SLC38A10: variants seen among roughly 807,000 people sequenced by gnomAD.
The protein encoded by SLC38A10 is solute carrier family 38 member 10.
SLC38A10 carries 53 observed loss-of-function variants against 81.0 expected under a neutral mutation model. That is an observed-to-expected ratio of 0.65 (90% CI 0.53 to 0.82). The LOEUF is 0.82. SLC38A10 is among the 40% of genes least tolerant of loss of function. The pLI is 0.00. For synonymous variants in SLC38A10, 665 were observed against 655.3 expected (o/e 1.01, Z -0.23); for missense variants, 1,471 against 1,545.0 (o/e 0.95, Z 0.80).
chr17:81,292,432 TATATAA>T (rs949820811), intron 1 of SLC38A10, among the ~76,000 whole-genome samples: 3 of 151,768 alleles, frequency 2.0e-5, no homozygotes, highest in African/African-American at 4.9e-5. Context: ...GCTATGTATA[TATATAA>T]ATATATCAAA....
In SLC38A10 at chr17:81,281,137, C is replaced by A. The variant is rs1031344551; in HGVS notation, c.502-404G>T. On this transcript the variant is annotated intron_variant, in intron 5 of 15. Coordinates refer to ENST00000374759, the MANE Select transcript of SLC38A10 (RefSeq NM_001037984.3). This position sits in a 1 kb window ranked among gnomAD's most constrained non-coding sequence, Gnocchi z 5.3. ...TTAGACATGGACATTTTCCAAAAGA[C>A]TGGCCCACCAGGACGCGGCTGTCTC... Among the ~76,000 whole-genome samples the A allele has an allele frequency of 5.9e-5, 9 of 152,246 alleles. No homozygotes were observed. Among genetic ancestry groups the A allele is most frequent in the African/African-American group, 2.2e-4 (9 of 41,466 alleles).
In SLC38A10 at chr17:81,282,205, G is replaced by A. The variant is rs752981972; in HGVS notation, c.485C>T (p.Thr162Ile). The change falls in exon 5 of 16, where the codon ACC (threonine) becomes ATC (isoleucine). Residue 162 changes from threonine to isoleucine, a missense_variant. Physicochemically the swap from Thr to Ile is moderately conservative, Grantham distance 89. Transcript: ENST00000374759. ...SFSAMALLFY[T>I]VFMFVIVLSS... ...CCGACTCACCACGAACATGAACACG[G>A]TGTAGAAGAGGAGGGCCATGGCGCT... The A allele has an allele frequency of 1.9e-6, 3 of 1,613,612 alleles. No individual in the cohort carries two copies. The highest frequency in any genetic ancestry group is 2.5e-6 in the Non-Finnish European group (3 of 1,180,016).
chr17:81,279,128 G>A (rs903487762), intron 6 of SLC38A10, among the ~76,000 whole-genome samples: 1 of 152,204 alleles, frequency 6.6e-6, no homozygotes, highest in African/African-American at 2.4e-5. Context: ...TCCACATGCA[G>A]CTCTTGGGTG....
In SLC38A10 at chr17:81,259,656, T is replaced by C. The variant is rs1014779700; in HGVS notation, c.1288+582A>G. Among the ~76,000 whole-genome samples, 8 of 152,208 alleles carry C rather than the reference T, an allele frequency of 5.3e-5. No homozygotes were observed. The South Asian group carries it at 1.7e-3, about 32-fold the overall frequency. On this transcript the variant is annotated intron_variant, in intron 11 of 15. Transcript: ENST00000374759. ...ACACGCATCTCTGCACCCCGGGCTG[T>C]GCCACAGACGGAGGCGTCAGGGTTA...
rs1486482315 is a variant in SLC38A10 at position 81,289,988 on chromosome 17, C to T, written c.100-180G>A. On this transcript the variant is annotated intron_variant, in intron 1 of 15. Coordinates refer to ENST00000374759, the MANE Select transcript of SLC38A10 (RefSeq NM_001037984.3). This position sits in a 1 kb window ranked among gnomAD's most constrained non-coding sequence, Gnocchi z 5.9. ...CCATTTCCTTGCTGTGGTGGCCGCG[C>T]GCCTTGTCCAGGGATGAAGCTGTAT... Among the ~76,000 whole-genome samples the T allele has an allele frequency of 1.3e-5, 2 of 152,216 alleles. No individual in the cohort carries two copies. Among genetic ancestry groups the T allele is most frequent in the South Asian group, 2.1e-4 (1 of 4,832 alleles).
At position 81,251,257 on chromosome 17, in the gene SLC38A10, G is replaced by A. The variant is rs776197772; in HGVS notation, c.2065+236C>T. On this transcript the variant is annotated intron_variant, in intron 14 of 15. Coordinates refer to ENST00000374759, the MANE Select transcript of SLC38A10 (RefSeq NM_001037984.3). The stretch of plus-strand genomic sequence containing the variant: ...AGATAAAACGGTAATCACAAGCCAT[G>A]TGACGATGCCGCAGGTGTTTAAAGG... The A allele has an allele frequency of 6.8e-6, 10 of 1,470,764 alleles. No homozygotes were observed. The East Asian group carries it at 2.2e-4, about 33-fold the overall frequency. The allele number at this position is 1,470,764 out of a possible 1,614,324, so 91.1% of individuals were successfully genotyped here. A position where few individuals can be genotyped will look rare whatever the true frequency, so the allele number is the denominator to read the frequency against.
chr17:81,247,964 T>TTC (rs1228499475), intron 14 of SLC38A10, among the ~76,000 whole-genome samples: 1 of 139,016 alleles, frequency 7.2e-6, no homozygotes, highest in East Asian at 2.1e-4. Flanking sequence ...TTTTTTTTTT[T>TTC]TTTTTTTTTT....
rs531104111 is a variant in SLC38A10, at chr17:81,279,497, C to T, written c.626+1112G>A. On this transcript the variant is annotated intron_variant, in intron 6 of 15. Transcript: ENST00000374759. ...GCGGCCGGCACAGGGGTGGGGAGGTCAGCGCAGCGGCCAGCACAAGGAGGG... is the reference window on the plus strand; with the variant it reads ...GCGGCCGGCACAGGGGTGGGGAGGTTAGCGCAGCGGCCAGCACAAGGAGGG... Among the ~76,000 whole-genome samples the T allele has an allele frequency of 3.5e-4, 53 of 152,272 alleles. No homozygotes were observed. The South Asian group carries it at 0.01, about 30-fold the overall frequency.
At chr17:81,282,386 G>A (rs2063222120) in intron 4 of SLC38A10, 54 bp from the exon 5 acceptor site, 1 of 1,559,778 alleles carries the variant, frequency 6.4e-7, no homozygotes, top group Non-Finnish European at 8.7e-7. Flanking sequence ...CTCACCACCG[G>A]GCTCTCTGCA....
rs1298295858 is a variant in SLC38A10 at position 81,246,649 on chromosome 17, G to A, written c.2267C>T (p.Ala756Val). Residue 756 changes from alanine to valine, a missense_variant, in exon 16 of 16, where the codon GCA (alanine) becomes GTA (valine). By Grantham distance (64) the Ala-to-Val change is moderately conservative. Coordinates refer to ENST00000374759, the MANE Select transcript of SLC38A10 (RefSeq NM_001037984.3). ...RQVEVHQEPG[A>V]AVPRGQEAPE... The stretch of plus-strand genomic sequence containing the variant: ...GGCCTCCTGGCCTCTGGGCACCGCT[G>A]CCCCGGGCTCTTGATGCACCTCCAC... 1 of 1,510,238 alleles carries A rather than the reference G, an allele frequency of 6.6e-7. No individual in the cohort carries two copies. The allele number at this position is 1,510,238 out of a possible 1,614,324, so 93.6% of individuals were successfully genotyped here. A position where few individuals can be genotyped will look rare whatever the true frequency, so the allele number is the denominator to read the frequency against.
intron 3 of SLC38A10, among the ~76,000 whole-genome samples, chr17:81,284,333 C>CA (rs1177295461): frequency 2.0e-5 from 3 of 152,064 alleles, no homozygotes; most frequent in Non-Finnish European, 4.4e-5. Flanking sequence ...GCCTGGGTGA[C>CA]AGAGCAAAAC....
chr17:81,254,859 TG>T (rs2062957862), intron 11 of SLC38A10, among the ~76,000 whole-genome samples: 1 of 152,214 alleles, frequency 6.6e-6, no homozygotes, highest in Admixed American at 6.5e-5. Flanking sequence ...AAGCCATAAC[TG>T]TCAATCAAGA....
intron 2 of SLC38A10, chr17:81,285,216 G>T (rs2063253411): frequency 3.9e-6 from 1 of 259,354 alleles, no homozygotes; most frequent in Non-Finnish European, 7.4e-6. Flanking sequence ...GGGCCGGCTG[G>T]AAACAGCATC....
chr17:81,258,992 C>T (rs975869946), intron 11 of SLC38A10, among the ~76,000 whole-genome samples: 6 of 152,234 alleles, frequency 3.9e-5, no homozygotes, highest in African/African-American at 9.6e-5. Flanking sequence ...ATGAGCACAG[C>T]GGATCCAGGA....
rs1440325943 is a variant in SLC38A10 at position 81,272,529 on chromosome 17, G to A, written c.1011C>T (p.Ile337=). 1.9e-6 allele frequency: 3 copies of A among 1,595,750 alleles called. No individual in the cohort carries two copies. The Admixed American group carries it at 5.3e-5, about 28-fold the overall frequency. ...SVVFGTMVGG[I]LIPNVETILG... Reference sequence around the variant, plus strand: ...CTCCCGCCTTACCGTTGGGGATAAGGATGCCACCAACCATGGTTCCAAACA... The same window carrying A: ...CTCCCGCCTTACCGTTGGGGATAAGAATGCCACCAACCATGGTTCCAAACA... Residue 337 remains isoleucine (I), a synonymous_variant, in exon 9 of 16, where the codon ATC becomes ATT. Coordinates refer to ENST00000374759, the MANE Select transcript of SLC38A10 (RefSeq NM_001037984.3).
rs1320268641 is a variant in SLC38A10, at chr17:81,246,938, T to C, written c.2189A>G (p.His730Arg). Residue 730 changes from histidine to arginine, a missense_variant, in exon 15 of 16, where the codon CAC becomes CGC. His to Arg is a conservative substitution (Grantham distance 29). Transcript: ENST00000374759. ...EKLLAVIEEQ[H>R]KEIHQQRQED... is the part of the protein sequence containing the mutation. ...CTGCCTCTGCTGGTGGATCTCCTTG[T>C]GCTGCTCCTCGATCACCGCCAGCAG... The C allele has an allele frequency of 1.9e-6, 3 of 1,608,074 alleles. No homozygotes were observed. Among genetic ancestry groups the C allele is most frequent in the Middle Eastern group, 1.7e-4 (1 of 6,052 alleles).
At chr17:81,249,470 G>GAGGC (rs1491470903) in intron 14 of SLC38A10, among the ~76,000 whole-genome samples, 16 of 314 alleles carry the variant, frequency 0.051, no homozygotes, top group African/African-American at 0.11. Context: ...AGGGAGGAGG[G>GAGGC]AAGAGGAGGG....
rs142100986 is a variant in SLC38A10, at chr17:81,261,227, G to A, written c.1132-833C>T. ...TGCTTGGCCCGGCTCCTGCCACCCC[G>A]GCTCCCGCCACCCCGGCTCCTGCCA... On this transcript the variant is annotated intron_variant, in intron 10 of 15. Transcript: ENST00000374759. Among the ~76,000 whole-genome samples the A allele has an allele frequency of 2.1e-3, 319 of 152,128 alleles. 2 individuals carry two copies. The highest frequency in any genetic ancestry group is 5.8e-3 in the South Asian group (28 of 4,826).
At chr17:81,280,087 T>C in intron 6 of SLC38A10, 2 of 440,840 alleles carry the variant, frequency 4.5e-6, no homozygotes, top group Non-Finnish European at 9.3e-6. Context: ...CACGAATCAC[T>C]CGCTCTTGTC....
Sources: gnomAD v4.1 joint callset for allele counts (sites outside exome capture counted in the v4.1 genomes callset) on GRCh38, gnomAD v4.1.1 for gene constraint, Gnocchi (gnomAD v3.1) non-coding constraint, MANE v1.5 for transcripts, NCBI Gene and HGNC (gene_info 2026-07-23, HGNC 2026-07-21) for gene names.